The following EYA4 variants were observed in gnomAD, a reference collection of about 807,000 sequenced individuals.
The protein encoded by EYA4 is protein phosphatase EYA4.
In EYA4, 31 loss-of-function variants were observed where a neutral mutation model predicts 87.9. The observed-to-expected ratio is 0.35, with a 90% CI of 0.27 to 0.48. EYA4 has a LOEUF of 0.48. Ranked by LOEUF, EYA4 falls within the 20% of genes least tolerant of loss-of-function variation. The probability of loss-of-function intolerance (pLI) is 0.99; values close to 1 mark genes in which losing one functional copy is unlikely to be tolerated. For missense variants in EYA4, 678 were observed against 761.4 expected (o/e 0.89, Z 1.29); for synonymous variants, 263 against 270.6 (o/e 0.97, Z 0.28).
rs550250544 is a variant in EYA4 at position 133,425,674 on chromosome 6, T to C, written c.84-20956T>C. On this transcript the variant is annotated intron_variant, in intron 3 of 19. Transcript: ENST00000355286. ...TTCTGCTTCCTAAATGCCCCCACTT[T>C]GTTGCCGCTATGACTGCTTTAGTTT... is the stretch of plus-strand genomic sequence containing the variant. Among the ~76,000 whole-genome samples the C allele has an allele frequency of 8.5e-4, 129 of 150,880 alleles. 6 individuals carry two copies. The highest frequency in any genetic ancestry group is 3.1e-3 in the African/African-American group (125 of 40,358).
chr6:133,296,117 A>C (rs1778926752), intron 2 of EYA4, among the ~76,000 whole-genome samples: 1 of 152,202 alleles, frequency 6.6e-6, no homozygotes, highest in Non-Finnish European at 1.5e-5. Context: ...ATGGGAATAC[A>C]TGAGGAAACA....
chr6:133,478,870 A>G (rs1456440775), intron 11 of EYA4, among the ~76,000 whole-genome samples: 1 of 152,134 alleles, frequency 6.6e-6, no homozygotes, highest in Non-Finnish European at 1.5e-5. Flanking sequence ...GAATAGCAGA[A>G]TTATTCCTGC....
intron 14 of EYA4, chr6:133,510,375 A>C (rs1306687547): frequency 4.2e-6 from 1 of 236,886 alleles, no homozygotes; most frequent in Non-Finnish European, 8.8e-6. Context: ...CCATTTCAAT[A>C]GTGATTTATT....
rs1266644372 is a variant in EYA4, at chr6:133,461,120, C to G, written c.377C>G (p.Thr126Arg). ...GTATTTTTGTGTCTTACAGTAATTA[C>G]AAGTAGTGGCTACAGCCCCAGATCA... ...ALDTFTGSVITSSGYSPRSAH... is the reference protein window; with the variant it reads ...ALDTFTGSVIRSSGYSPRSAH... Residue 126 changes from threonine to arginine, a missense_variant, in exon 7 of 20, where the codon ACA (threonine) becomes AGA (arginine). Physicochemically the swap from Thr to Arg is moderately conservative, Grantham distance 71. Transcript: ENST00000355286. 5.0e-6 allele frequency: 8 copies of G among 1,611,460 alleles called. No homozygotes were observed. The highest frequency in any genetic ancestry group is 6.8e-6 in the Non-Finnish European group (8 of 1,177,712).
chr6:133,468,467 G>T, intron 10 of EYA4, 99 bp from the exon 11 acceptor site: 1 of 966,210 alleles, frequency 1.0e-6, no homozygotes, highest in Non-Finnish European at 1.7e-6. Context: ...AAATGGGGCT[G>T]AGTACTAATC....
intron 2 of EYA4, chr6:133,363,535 C>G (rs946213565): frequency 6.7e-6 from 1 of 148,566 alleles, no homozygotes; most frequent in African/African-American, 2.5e-5. Context: ...AGTGCAGTGG[C>G]GCGATCTAGG....
At chr6:133,353,714 C>T (rs1244884315) in intron 2 of EYA4, among the ~76,000 whole-genome samples, 2 of 152,168 alleles carry the variant, frequency 1.3e-5, no homozygotes, top group Non-Finnish European at 2.9e-5. Flanking sequence ...AACACATCCT[C>T]TTGAAAGTGA....
At chr6:133,490,617 T>G (rs944261662) in intron 13 of EYA4, among the ~76,000 whole-genome samples, 87 of 152,138 alleles carry the variant, frequency 5.7e-4, no homozygotes, top group African/African-American at 2.1e-3. Flanking sequence ...AAGAAGGTCA[T>G]CATATAATAA....
At chr6:133,322,437 CAT>C (rs1781163376) in intron 2 of EYA4, among the ~76,000 whole-genome samples, 1 of 152,136 alleles carries the variant, frequency 6.6e-6, no homozygotes, top group Non-Finnish European at 1.5e-5. Flanking sequence ...ATAAGAAACA[CAT>C]GATTATTGTA....
intron 5 of EYA4, among the ~76,000 whole-genome samples, chr6:133,455,300 T>A (rs1793807845): frequency 1.3e-5 from 2 of 152,186 alleles, no homozygotes; most frequent in Admixed American, 1.3e-4. Context: ...TTGTTGCTCT[T>A]GAAAGATAAG....
chr6:133,375,007 A>G (rs1785563062), intron 2 of EYA4, among the ~76,000 whole-genome samples: 1 of 152,012 alleles, frequency 6.6e-6, no homozygotes, highest in Non-Finnish European at 1.5e-5. Context: ...ACAGAGATAT[A>G]TTTTTTAAAA....
chr6:133,377,630 G>T lies in EYA4; in HGVS notation c.34-4762G>T, dbSNP rs551826281. Among the ~76,000 whole-genome samples, 11 of 134,218 alleles carry T rather than the reference G, an allele frequency of 8.2e-5. No individual in the cohort carries two copies. In the South Asian group the frequency reaches 2.1e-3, roughly 26 times the overall value. The allele number at this position is 134,218 out of a possible 152,430, so 88.1% of individuals were successfully genotyped here. ...GCGGAGGTGGATGCTAGAGATATCTGGATAATTTTTTCAAAACTACTATTT... is the reference window on the plus strand; with the variant it reads ...GCGGAGGTGGATGCTAGAGATATCTTGATAATTTTTTCAAAACTACTATTT... On this transcript the variant is annotated intron_variant, in intron 2 of 19. Transcript: ENST00000355286.
At chr6:133,334,168 A>C (rs923402412) in intron 2 of EYA4, among the ~76,000 whole-genome samples, 7 of 152,238 alleles carry the variant, frequency 4.6e-5, no homozygotes, top group African/African-American at 1.7e-4. Context: ...TAATAACTTT[A>C]AACTTACAAG....
chr6:133,372,970 T>C (rs771503359), intron 2 of EYA4, among the ~76,000 whole-genome samples: 4 of 152,052 alleles, frequency 2.6e-5, no homozygotes, highest in Non-Finnish European at 4.4e-5. Flanking sequence ...TATGTACTTA[T>C]ACAGACATAC....
intron 3 of EYA4, among the ~76,000 whole-genome samples, chr6:133,439,044 C>T (rs887268162): frequency 1.6e-5 from 1 of 62,324 alleles, no homozygotes; most frequent in Admixed American, 2.5e-4. Flanking sequence ...AGCGAGACTC[C>T]GTCTCAAAAA....
chr6:133,261,313 A>C (rs1775780983), intron 1 of EYA4, among the ~76,000 whole-genome samples: 1 of 152,192 alleles, frequency 6.6e-6, no homozygotes, highest in African/African-American at 2.4e-5. Context: ...GGTTATCAAA[A>C]TATTGTAATA....
chr6:133,465,971 GT>G (rs987693493), intron 10 of EYA4, among the ~76,000 whole-genome samples: 3 of 151,792 alleles, frequency 2.0e-5, no homozygotes, highest in Admixed American at 6.6e-5. Flanking sequence ...TAAAATTGAG[GT>G]TTTTTTTGTA....
intron 2 of EYA4, among the ~76,000 whole-genome samples, chr6:133,371,916 A>G (rs1002045223): frequency 2.9e-4 from 44 of 152,284 alleles, no homozygotes; most frequent in Middle Eastern, 6.8e-3. Flanking sequence ...GTATATCTCA[A>G]TTATTTATTA....
Position 133,529,243 on chromosome 6 carries a change from G to C in EYA4, c.*438G>C, listed in dbSNP as rs2128828040. On this transcript the variant is annotated 3_prime_UTR_variant, in exon 20 of 20. Transcript: ENST00000355286. The stretch of plus-strand genomic sequence containing the variant: ...TAACCCAGAAAATCTGAATTGGAAT[G>C]CACTCAGACTGTATAAGGACAGTCC... 1 of 1,124,824 alleles carries C rather than the reference G, an allele frequency of 8.9e-7. No homozygotes were observed. 69.7% of individuals were successfully genotyped at this position (1,124,824 alleles called of 1,614,324 possible). A position where few individuals can be genotyped will look rare whatever the true frequency, so the allele number is the denominator to read the frequency against.
Sources: gnomAD v4.1 joint callset for allele counts (sites outside exome capture counted in the v4.1 genomes callset) on GRCh38, gnomAD v4.1.1 for gene constraint, MANE v1.5 for transcripts, NCBI Gene and HGNC (gene_info 2026-07-23, HGNC 2026-07-21) for gene names.